NCAN: variants seen among roughly 807,000 people sequenced by gnomAD.
NCAN encodes the protein neurocan, also known as neurocan core protein.
In NCAN, 47 loss-of-function variants were observed where a neutral mutation model predicts 121.8. That is an observed-to-expected ratio of 0.39 (90% CI 0.31 to 0.49). The LOEUF (loss-of-function observed/expected upper bound fraction) is 0.49. Ranked by LOEUF, NCAN falls within the 20% of genes least tolerant of loss-of-function variation. The pLI, the probability that NCAN is intolerant of heterozygous loss-of-function variation, is 0.92. For synonymous variants in NCAN, 633 were observed against 702.0 expected (o/e 0.90, Z 1.55); for missense variants, 1,517 against 1,773.4 (o/e 0.86, Z 2.60).
intron 10 of NCAN, among the ~76,000 whole-genome samples, chr19:19,237,652 T>A (rs534137700): frequency 2.9e-4 from 44 of 152,200 alleles, no homozygotes; most frequent in Non-Finnish European, 5.9e-4. Flanking sequence ...ATACGAAGGG[T>A]GTGGCCCCGA....
rs2060824465 is a variant in NCAN at position 19,223,583 on chromosome 19, C to A, written c.476-438C>A. Among the ~76,000 whole-genome samples, 3 of 152,100 alleles carry A rather than the reference C, an allele frequency of 2.0e-5. No homozygotes were observed. The South Asian group carries it at 6.2e-4, about 32-fold the overall frequency. Reference sequence around the variant, plus strand: ...TGCCTCCTGGGTTCAAGCGATTCTCCTGCCTCAGCCGCCCTAGTAGCTGGG... The same window carrying A: ...TGCCTCCTGGGTTCAAGCGATTCTCATGCCTCAGCCGCCCTAGTAGCTGGG... On this transcript the variant is annotated intron_variant, in intron 3 of 14. Transcript: ENST00000252575.
rs985459064 is a variant in NCAN at position 19,250,130 on chromosome 19, T to C, written c.*219T>C. The stretch of plus-strand genomic sequence containing the variant: ...TGGAGCCAGGTGTCTGAAAAGTTCA[T>C]TCTCGTCTGGCTGAACTCTGGGAGT... On this transcript the variant is annotated 3_prime_UTR_variant, in exon 15 of 15. Transcript: ENST00000252575. 10 of 688,406 alleles carry C rather than the reference T, an allele frequency of 1.5e-5. No homozygotes were observed. Among genetic ancestry groups the C allele is most frequent in the Admixed American group, 1.0e-4 (5 of 49,030 alleles). The allele number at this position is 688,406 out of a possible 1,614,324, so 42.6% of individuals were successfully genotyped here.
At chr19:19,231,887 G>A (rs1163318790) in intron 8 of NCAN, among the ~76,000 whole-genome samples, 2 of 151,984 alleles carry the variant, frequency 1.3e-5, no homozygotes, top group African/African-American at 4.8e-5. Flanking sequence ...TGCTGAGGTG[G>A]GAGGACCGCT....
In NCAN at chr19:19,228,444, G is replaced by C. The variant is rs1422315354; in HGVS notation, c.2824G>C (p.Ala942Pro). Residue 942 changes from alanine (A) to proline (P), a missense_variant, in exon 8 of 15, where the codon GCC becomes CCC. Physicochemically the swap from Ala to Pro is conservative, Grantham distance 27. Coordinates refer to ENST00000252575, the MANE Select transcript of NCAN (RefSeq NM_004386.3). ...GACTGCAGCCAGTGTGGGCGAGTCT[G>C]CCTCAGTTTCCTCAGGGGAGCCTAC... ...TPTAASVGES[A>P]SVSSGEPTVP... 3.1e-6 allele frequency: 5 copies of C among 1,613,664 alleles called. No homozygotes were observed. Among genetic ancestry groups the C allele is most frequent in the Non-Finnish European group, 4.2e-6 (5 of 1,180,016 alleles).
intron 13 of NCAN, among the ~76,000 whole-genome samples, chr19:19,246,878 A>G (rs2060926311): frequency 6.6e-6 from 1 of 152,110 alleles, no homozygotes; most frequent in Non-Finnish European, 1.5e-5. Context: ...CTGTTGGCAT[A>G]TATTTCTTTC....
At chr19:19,247,204 G>T (rs1039152417) in intron 13 of NCAN, among the ~76,000 whole-genome samples, 2 of 151,860 alleles carry the variant, frequency 1.3e-5, no homozygotes, top group Admixed American at 6.6e-5. Flanking sequence ...TCCTACCTCA[G>T]TCTTACCAGT....
chr19:19,238,409 A>C lies in NCAN; in HGVS notation c.3407A>C (p.Asn1136Thr), dbSNP rs372689346. The C allele has an allele frequency of 1.5e-5, 25 of 1,613,964 alleles. No individual in the cohort carries two copies. Among genetic ancestry groups the C allele is most frequent in the Non-Finnish European group, 1.9e-5 (22 of 1,180,032 alleles). The change falls in exon 11 of 15, where the codon AAT becomes ACT. Residue 1136 changes from asparagine (N) to threonine (T), a missense_variant and splice_region_variant. Transcript: ENST00000252575. ...TCACCGGAGGAACACAGCTTCATTA[A>C]TAGTAGGGGCTCTGGGGAGGGGGCC... is the stretch of plus-strand genomic sequence containing the variant. ...VHSPEEHSFI[N>T]SFGHENTWIG...
At chr19:19,213,049 T>C (rs2060781141) in intron 1 of NCAN, among the ~76,000 whole-genome samples, 3 of 152,020 alleles carry the variant, frequency 2.0e-5, no homozygotes, top group Admixed American at 2.0e-4. Context: ...TCCCTACGCG[T>C]GGGGCTTTGT....
At chr19:19,229,473 G>T (rs2060850486) in intron 8 of NCAN, among the ~76,000 whole-genome samples, 1 of 152,188 alleles carries the variant, frequency 6.6e-6, no homozygotes. Context: ...TGACTCGTGG[G>T]GGACCTCAAG....
intron 3 of NCAN, among the ~76,000 whole-genome samples, chr19:19,221,699 A>G (rs922402084): frequency 3.3e-5 from 5 of 152,134 alleles, no homozygotes; most frequent in African/African-American, 1.2e-4. Flanking sequence ...CAGTCTGAGC[A>G]AGATGGTGAG....
intron 12 of NCAN, among the ~76,000 whole-genome samples, chr19:19,241,642 G>C (rs1448407956): frequency 6.6e-6 from 1 of 151,818 alleles, no homozygotes; most frequent in Admixed American, 6.6e-5. Flanking sequence ...TTGGAATCCA[G>C]CCTGGGCAAC....
chr19:19,248,583 C>T, intron 13 of NCAN, 117 bp from the exon 14 acceptor site: 2 of 1,007,884 alleles, frequency 2.0e-6, no homozygotes, highest in Non-Finnish European at 2.9e-6. Context: ...CAAGAGCGCG[C>T]CACTGCACTC....
chr19:19,216,919 C>G (rs2060798117), intron 1 of NCAN, 28 bp from the exon 2 acceptor site: 2 of 1,284,930 alleles, frequency 1.6e-6, no homozygotes, highest in Non-Finnish European at 2.0e-6. Flanking sequence ...TGTGGCTCAC[C>G]CCTCCCTCCC....
intron 5 of NCAN, among the ~76,000 whole-genome samples, 198 bp downstream of exon 5, chr19:19,224,631 C>A (rs1475591584): frequency 6.6e-6 from 1 of 150,678 alleles, no homozygotes; most frequent in Admixed American, 6.6e-5. Flanking sequence ...TTGCCCCCTT[C>A]CTCTCTCTGA....
rs565167800 is a variant in NCAN, at chr19:19,227,017, G to T, written c.1604G>T (p.Gly535Val). 5.2e-5 allele frequency: 80 copies of T among 1,524,240 alleles called. No individual in the cohort carries two copies. The East Asian group carries it at 1.8e-3, about 34-fold the overall frequency. 94.4% of individuals were successfully genotyped at this position (1,524,240 alleles called of 1,614,324 possible). The change falls in exon 7 of 15, where the codon GGC (glycine) becomes GTC (valine). Residue 535 changes from glycine (G) to valine (V), a missense_variant. Coordinates refer to ENST00000252575, the MANE Select transcript of NCAN (RefSeq NM_004386.3). The surrounding 1 kb of genome is among the most constrained non-coding windows in gnomAD (Gnocchi z 4.2). Reference protein sequence around the residue: ...AMAVTEMLGSGQSRSPWADLT... With the variant: ...AMAVTEMLGSVQSRSPWADLT... The stretch of plus-strand genomic sequence containing the variant: ...GCAGTCACAGAGATGTTGGGCAGTG[G>T]CCAGAGCCGGAGCCCCTGGGCTGAT...
rs2060834973 is a variant in NCAN, at chr19:19,225,917, A to ACAACAT, written c.1073-569_1073-568insCAACAT. On this transcript the variant is annotated intron_variant, in intron 6 of 14. Coordinates refer to ENST00000252575, the MANE Select transcript of NCAN (RefSeq NM_004386.3). This position sits in a 1 kb window ranked among gnomAD's most constrained non-coding sequence, Gnocchi z 4.0. ...GGACACTACCTGAGCTTTGCCCATG[A>ACAACAT]GCCAAATTGTCTTTTTTTCTTTTTT... is the stretch of plus-strand genomic sequence containing the variant. Among the ~76,000 whole-genome samples, 1 of 152,100 alleles carries ACAACAT rather than the reference A, an allele frequency of 6.6e-6. No individual in the cohort carries two copies. The highest frequency in any genetic ancestry group is 1.5e-5 in the Non-Finnish European group (1 of 68,014).
At position 19,250,065 on chromosome 19, in the gene NCAN, C is replaced by G; in HGVS notation, c.*154C>G. On this transcript the variant is annotated 3_prime_UTR_variant, in exon 15 of 15. Coordinates refer to ENST00000252575, the MANE Select transcript of NCAN (RefSeq NM_004386.3). ...ACATAATCCTTTGTACAAAGCTCCT[C>G]TTTTCCCTTTTTTTACATACACAAG... 3 of 869,672 alleles carry G rather than the reference C, an allele frequency of 3.4e-6. No homozygotes were observed. Among genetic ancestry groups the G allele is most frequent in the Non-Finnish European group, 5.6e-6 (3 of 533,852 alleles). 53.9% of individuals were successfully genotyped at this position (869,672 alleles called of 1,614,324 possible).
chr19:19,245,182 T>C, intron 12 of NCAN, 131 bp from the exon 13 acceptor site: 2 of 1,123,888 alleles, frequency 1.8e-6, no homozygotes, highest in Non-Finnish European at 2.5e-6. Context: ...ACAGTGGCCA[T>C]TGTAGAGATG....
At position 19,225,960 on chromosome 19, in the gene NCAN, C is replaced by A. The variant is rs2060835078; in HGVS notation, c.1073-526C>A. ...TCTTTTTTCTTTTGAGACAGAGTCT[C>A]ACTCTGTCACCCAGGCTGGAGTGCA... On this transcript the variant is annotated intron_variant, in intron 6 of 14. Coordinates refer to ENST00000252575, the MANE Select transcript of NCAN (RefSeq NM_004386.3). This position sits in a 1 kb window ranked among gnomAD's most constrained non-coding sequence, Gnocchi z 4.0. 6.6e-6 allele frequency among the ~76,000 whole-genome samples: 1 copy of A among 152,192 alleles called. No homozygotes were observed. Among genetic ancestry groups the A allele is most frequent in the Admixed American group, 6.5e-5 (1 of 15,274 alleles).
Sources: gnomAD v4.1 joint callset for allele counts (sites outside exome capture counted in the v4.1 genomes callset) on GRCh38, gnomAD v4.1.1 for gene constraint, Gnocchi (gnomAD v3.1) non-coding constraint, MANE v1.5 for transcripts, NCBI Gene and HGNC (gene_info 2026-07-23, HGNC 2026-07-21) for gene names.